ATAD1: variants seen among roughly 807,000 people sequenced by gnomAD.
ATAD1 encodes the protein ATPase family AAA domain containing 1, also known as outer mitochondrial transmembrane helix translocase.
Under a neutral mutation model 42.7 loss-of-function variants are expected in ATAD1, and 18 were observed. The observed-to-expected ratio is 0.42, with a 90% CI of 0.29 to 0.63. ATAD1 has a LOEUF of 0.63. Among genes scored for constraint, ATAD1 ranks in the 20% least tolerant of loss-of-function variants. ATAD1 has a pLI of 0.19. For synonymous variants in ATAD1, 132 were observed against 143.1 expected (o/e 0.92, Z 0.55); for missense variants, 294 against 440.4 (o/e 0.67, Z 2.98).
At chr10:87,835,201 T>C (rs1429390813) in intron 1 of ATAD1, among the ~76,000 whole-genome samples, 1 of 152,142 alleles carries the variant, frequency 6.6e-6, no homozygotes. Context: ...TGTATTCTGC[T>C]ATTGTTGGGT....
chr10:87,782,496 A>G (rs1199599258), intron 5 of ATAD1, among the ~76,000 whole-genome samples: 3 of 152,250 alleles, frequency 2.0e-5, no homozygotes, highest in African/African-American at 7.2e-5. Flanking sequence ...AATGTTTAAC[A>G]ATAACATGTA....
chr10:87,758,599 C>T (rs1854335086), intron 8 of ATAD1, among the ~76,000 whole-genome samples: 1 of 152,072 alleles, frequency 6.6e-6, no homozygotes, highest in East Asian at 1.9e-4. Flanking sequence ...AAAAAACAGT[C>T]TTTGTGTTAC....
intron 5 of ATAD1, among the ~76,000 whole-genome samples, chr10:87,784,119 A>G (rs997591623): frequency 4.6e-5 from 7 of 152,236 alleles, no homozygotes; most frequent in African/African-American, 1.7e-4. Flanking sequence ...TATAATAACT[A>G]AAGAACTGGT....
chr10:87,792,659 G>C lies in ATAD1; in HGVS notation c.259C>G (p.His87Asp). 2.3e-6 allele frequency: 3 copies of C among 1,293,890 alleles called. No homozygotes were observed. In the South Asian group the frequency reaches 3.5e-5, roughly 15 times the overall value. 80.2% of individuals were successfully genotyped at this position (1,293,890 alleles called of 1,614,324 possible). ...AAHLVDPLNM[H>D]VTWSDIAGLD... Reference sequence around the variant, plus strand: ...TAAATAAGATTAAAGATACATACATGCATATTAAGAGGGTCTACAAGATGA... The same window carrying C: ...TAAATAAGATTAAAGATACATACATCCATATTAAGAGGGTCTACAAGATGA... The change falls in exon 3 of 10, where the codon CAT (histidine) becomes GAT (aspartate). Residue 87 changes from histidine (H) to aspartate (D), a missense_variant and splice_region_variant. Around this residue, in one of 3 missense-constraint regions of ATAD1, gnomAD observed 121 missense variants for 187.3 expected, o/e 0.65. Coordinates refer to ENST00000680024, the MANE Select transcript of ATAD1 (RefSeq NM_001321967.2).
chr10:87,789,783 C>T (rs1317452686), intron 4 of ATAD1, among the ~76,000 whole-genome samples: 1 of 152,096 alleles, frequency 6.6e-6, no homozygotes, highest in Non-Finnish European at 1.5e-5. Flanking sequence ...AAGAATTACA[C>T]TTAATGATGC....
In ATAD1 at chr10:87,764,324, T is replaced by C. The variant is rs1052354380; in HGVS notation, c.831+3349A>G. ...AAAAATACAAAAAATTGGCCAGGCA[T>C]GGTGGCACGTGCCTGTAATCCCAGC... On this transcript the variant is annotated intron_variant, in intron 8 of 9. Coordinates refer to ENST00000680024, the MANE Select transcript of ATAD1 (RefSeq NM_001321967.2). 2.6e-5 allele frequency among the ~76,000 whole-genome samples: 4 copies of C among 152,192 alleles called. No individual in the cohort carries two copies. In the East Asian group the frequency reaches 5.8e-4, roughly 22 times the overall value.
chr10:87,784,207 A>G (rs576419306), intron 5 of ATAD1, among the ~76,000 whole-genome samples: 1 of 152,314 alleles, frequency 6.6e-6, no homozygotes, highest in African/African-American at 2.4e-5. Context: ...GGGCAAACAT[A>G]TATACATGAG....
At chr10:87,818,905 G>A (rs1000386939), upstream of ATAD1, 1 of 152,238 alleles carries the variant, frequency 6.6e-6, no homozygotes, top group Non-Finnish European at 1.5e-5. Flanking sequence ...TTTCCAGAAC[G>A]AGCGACGTGA....
At position 87,794,470 on chromosome 10, in the gene ATAD1, CAT is replaced by C. The variant is rs538250566; in HGVS notation, c.163-1717_163-1716del. 2.9e-3 allele frequency among the ~76,000 whole-genome samples: 435 copies of C among 152,318 alleles called. 3 individuals carry two copies. Among genetic ancestry groups the C allele is most frequent in the African/African-American group, 9.9e-3 (411 of 41,562 alleles). ...CTACAGTAAATGTGAAACCCTCCCACATGTGTTCTTTTTAAGCAACGCTCGAA... is the reference window on the plus strand; with the variant it reads ...CTACAGTAAATGTGAAACCCTCCCACGTGTTCTTTTTAAGCAACGCTCGAA... On this transcript the variant is annotated intron_variant, in intron 2 of 9. Coordinates refer to ENST00000680024, the MANE Select transcript of ATAD1 (RefSeq NM_001321967.2).
At chr10:87,814,303 CTA>C in intron 2 of ATAD1, 133 bp downstream of exon 2, 2 of 688,596 alleles carry the variant, frequency 2.9e-6, no homozygotes, top group Non-Finnish European at 4.3e-6. Flanking sequence ...AGTAATAAAA[CTA>C]TGAGTACCAA....
chr10:87,807,073 T>C (rs929643092), intron 2 of ATAD1, among the ~76,000 whole-genome samples: 5 of 152,226 alleles, frequency 3.3e-5, no homozygotes, highest in African/African-American at 9.6e-5. Flanking sequence ...GGTACTCCTA[T>C]TGGTTGCATG....
chr10:87,797,604 A>AT (rs147406655), intron 2 of ATAD1, among the ~76,000 whole-genome samples: 1 of 152,264 alleles, frequency 6.6e-6, no homozygotes, highest in African/African-American at 2.4e-5. Context: ...CTCTGTTTCC[A>AT]TATTATTCCA....
At chr10:87,783,194 A>G (rs367947726) in intron 5 of ATAD1, among the ~76,000 whole-genome samples, 40 of 152,172 alleles carry the variant, frequency 2.6e-4, no homozygotes, top group African/African-American at 9.2e-4. Flanking sequence ...ATCCTGGGCA[A>G]CATGGAGAAA....
intron 8 of ATAD1, chr10:87,759,624 C>T (rs980092346): frequency 8.9e-6 from 3 of 336,820 alleles, no homozygotes; most frequent in African/African-American, 6.5e-5. Flanking sequence ...GAAAGATGAA[C>T]CAACCAAGTA....
chr10:87,797,989 G>A (rs1055507330), intron 2 of ATAD1, among the ~76,000 whole-genome samples: 1 of 152,160 alleles, frequency 6.6e-6, no homozygotes, highest in Non-Finnish European at 1.5e-5. Context: ...GTGACCGGGG[G>A]CCTAATGGGA....
intron 2 of ATAD1, among the ~76,000 whole-genome samples, chr10:87,807,563 T>C (rs1220478527): frequency 6.6e-6 from 1 of 152,198 alleles, no homozygotes; most frequent in Non-Finnish European, 1.5e-5. Context: ...TCTTTTCATA[T>C]GTTTATTGAC....
chr10:87,781,847 G>A (rs1473260456), intron 5 of ATAD1, among the ~76,000 whole-genome samples: 2 of 151,840 alleles, frequency 1.3e-5, no homozygotes, highest in East Asian at 3.8e-4. Flanking sequence ...GGTCTTACAT[G>A]TTGTCCAGGC....
At chr10:87,762,634 T>G (rs1179297030) in intron 8 of ATAD1, among the ~76,000 whole-genome samples, 1 of 151,748 alleles carries the variant, frequency 6.6e-6, no homozygotes, top group African/African-American at 2.4e-5. Context: ...CCAGCTAATT[T>G]TTTTTGTATT....
intron 1 of ATAD1, chr10:87,832,282 T>C (rs1373320546): frequency 6.6e-6 from 1 of 151,986 alleles, no homozygotes; most frequent in Non-Finnish European, 1.5e-5. Flanking sequence ...TAGTCCCAGC[T>C]ACTTGGGAAG....
Sources: allele counts gnomAD v4.1 joint callset (sites outside exome capture counted in the v4.1 genomes callset), GRCh38; gene constraint gnomAD v4.1.1; regional missense constraint gnomAD v4.1.1; transcripts MANE v1.5; gene names NCBI Gene and HGNC (gene_info 2026-07-23, HGNC 2026-07-21).